Variants in CNTNAP5 observed in about 807,000 individuals in gnomAD.
CNTNAP5 encodes the protein contactin associated protein family member 5.
Under a neutral mutation model 150.2 loss-of-function variants are expected in CNTNAP5, and 72 were observed. The ratio of observed to expected loss-of-function variants is 0.48; its 90% CI spans 0.40 to 0.58. The LOEUF is 0.58. Ranked by LOEUF, CNTNAP5 falls within the 20% of genes least tolerant of loss-of-function variation. CNTNAP5 has a pLI of 0.00. For missense variants in CNTNAP5, 1,636 were observed against 1,626.2 expected, an observed-to-expected ratio of 1.01 and a Z score of -0.10; for synonymous variants, 672 against 619.8, an observed-to-expected ratio of 1.08 and a Z score of -1.25.
At chr2:124,180,377 A>G (rs1177481415) in intron 1 of CNTNAP5, among the ~76,000 whole-genome samples, 1 of 152,206 alleles carries the variant, frequency 6.6e-6, no homozygotes. Flanking sequence ...TTTCATCATC[A>G]TCAGAAATAT....
intron 1 of CNTNAP5, among the ~76,000 whole-genome samples, chr2:124,175,445 T>A (rs182881250): frequency 1.3e-5 from 2 of 152,318 alleles, no homozygotes; most frequent in East Asian, 3.9e-4. Context: ...TTTTTTATAA[T>A]TTCAACTTTT....
chr2:124,245,666 CAAATATATATATACACACAAAT>C (rs910330478), intron 3 of CNTNAP5, among the ~76,000 whole-genome samples: 8 of 86,676 alleles, frequency 9.2e-5, no homozygotes, highest in African/African-American at 4.2e-4. Context: ...TATATACACA[CAAATATATATATACACACAAAT>C]ATATATATAC....
chr2:124,083,535 T>C (rs1172777757), intron 1 of CNTNAP5, among the ~76,000 whole-genome samples: 3 of 152,144 alleles, frequency 2.0e-5, no homozygotes, highest in South Asian at 2.1e-4. Context: ...TTTTACTGTT[T>C]TTTTCTAAAA....
chr2:124,690,217 G>A (rs1349280557), intron 13 of CNTNAP5, among the ~76,000 whole-genome samples: 1 of 152,070 alleles, frequency 6.6e-6, no homozygotes, highest in Non-Finnish European at 1.5e-5. Flanking sequence ...AAACTATTCA[G>A]TTCTTGAATA....
chr2:124,164,537 CT>C (rs962663371), intron 1 of CNTNAP5, among the ~76,000 whole-genome samples: 27 of 152,022 alleles, frequency 1.8e-4, no homozygotes, highest in Non-Finnish European at 2.6e-4. Flanking sequence ...GAACAGACAC[CT>C]AAATAAGGTG....
intron 1 of CNTNAP5, among the ~76,000 whole-genome samples, chr2:124,054,384 A>T (rs928151813): frequency 6.6e-6 from 1 of 152,118 alleles, no homozygotes; most frequent in African/African-American, 2.4e-5. Context: ...GAGCTGATGC[A>T]CTCGGATCCC....
intron 13 of CNTNAP5, among the ~76,000 whole-genome samples, chr2:124,701,420 C>T (rs893745577): frequency 6.6e-6 from 1 of 152,018 alleles, no homozygotes; most frequent in Non-Finnish European, 1.5e-5. Flanking sequence ...TTTATTCATG[C>T]CTTCAATGAT....
intron 3 of CNTNAP5, among the ~76,000 whole-genome samples, chr2:124,387,665 G>C (rs1269677395): frequency 6.6e-6 from 1 of 152,158 alleles, no homozygotes; most frequent in African/African-American, 2.4e-5. Context: ...ACATTGATCA[G>C]TTAGGGTGGG....
Position 124,747,788 on chromosome 2 carries a change from CTTTTTTTTTT to C in CNTNAP5, c.2234+423_2234+432del, listed in dbSNP as rs34959025. 6.6e-4 allele frequency among the ~76,000 whole-genome samples: 28 copies of C among 42,438 alleles called. 1 individual carries two copies. The highest frequency in any genetic ancestry group is 1.1e-3 in the Non-Finnish European group (24 of 22,114). 27.8% of individuals were successfully genotyped at this position (42,438 alleles called of 152,430 possible). ...GCACATGCCACCACTCCTAACTCTT[CTTTTTTTTTT>C]TTTTTTTTTTTTTTTTTTTAGTTGA... On this transcript the variant is annotated intron_variant, in intron 14 of 23. Coordinates refer to ENST00000682447, the MANE Select transcript of CNTNAP5 (RefSeq NM_001367498.1).
chr2:124,611,034 GT>G (rs1352364454), intron 12 of CNTNAP5, among the ~76,000 whole-genome samples: 2 of 150,038 alleles, frequency 1.3e-5, no homozygotes, highest in African/African-American at 4.9e-5. Context: ...TTTTTTGTTT[GT>G]TTGTTTGTTT....
intron 1 of CNTNAP5, among the ~76,000 whole-genome samples, chr2:124,157,226 C>A (rs150796642): frequency 3.3e-5 from 5 of 152,268 alleles, no homozygotes; most frequent in African/African-American, 9.6e-5. Context: ...CCACCCTCTT[C>A]CCCTGGGTAG....
At chr2:124,774,906 T>C (rs1573608845) in intron 17 of CNTNAP5, among the ~76,000 whole-genome samples, 1 of 152,202 alleles carries the variant, frequency 6.6e-6, no homozygotes, top group East Asian at 1.9e-4. Flanking sequence ...CAGATTTCTA[T>C]CTGCAGACGT....
intron 13 of CNTNAP5, among the ~76,000 whole-genome samples, chr2:124,742,896 G>A (rs1680526524): frequency 6.6e-6 from 1 of 152,038 alleles, no homozygotes; most frequent in Non-Finnish European, 1.5e-5. Context: ...CTGTTTTGTG[G>A]AAGTCCTTGC....
chr2:124,205,421 C>CTTTTT (rs1244599337), intron 1 of CNTNAP5, among the ~76,000 whole-genome samples: 5 of 142,342 alleles, frequency 3.5e-5, no homozygotes, highest in Non-Finnish European at 4.6e-5. Flanking sequence ...CTTTTCTTTT[C>CTTTTT]TTTTTTTTTT....
chr2:124,315,817 AT>A (rs1688946142), intron 3 of CNTNAP5, among the ~76,000 whole-genome samples: 1 of 152,168 alleles, frequency 6.6e-6, no homozygotes, highest in African/African-American at 2.4e-5. Flanking sequence ...CACTTTAGGA[AT>A]TTAGGTATAT....
intron 1 of CNTNAP5, among the ~76,000 whole-genome samples, chr2:124,182,031 T>C (rs1273914483): frequency 6.6e-6 from 1 of 152,204 alleles, no homozygotes; most frequent in East Asian, 1.9e-4. Flanking sequence ...TCCAAACAGC[T>C]ATAATATGTA....
chr2:124,627,762 A>C (rs1677759429), intron 12 of CNTNAP5, among the ~76,000 whole-genome samples: 1 of 152,180 alleles, frequency 6.6e-6, no homozygotes, highest in South Asian at 2.1e-4. Flanking sequence ...GTAATAATAA[A>C]CATCACTGAG....
At chr2:124,493,341 C>G (rs1694075027) in intron 7 of CNTNAP5, among the ~76,000 whole-genome samples, 1 of 150,520 alleles carries the variant, frequency 6.6e-6, no homozygotes, top group African/African-American at 2.4e-5. Context: ...TTATTATTAT[C>G]ATTATTATTA....
At chr2:124,815,128 C>A (rs578162803) in intron 19 of CNTNAP5, among the ~76,000 whole-genome samples, 75 of 152,298 alleles carry the variant, frequency 4.9e-4, no homozygotes, top group African/African-American at 1.7e-3. Context: ...ACTAAGTAAG[C>A]CTGGGTGTCC....
Sources: allele counts gnomAD v4.1 joint callset (sites outside exome capture counted in the v4.1 genomes callset), GRCh38; gene constraint gnomAD v4.1.1; transcripts MANE v1.5; gene names NCBI Gene and HGNC (gene_info 2026-07-23, HGNC 2026-07-21).